The following DPY19L4 variants were observed in gnomAD, a reference collection of about 807,000 sequenced individuals.
The protein encoded by DPY19L4 is probable C-mannosyltransferase DPY19L4.
Under a neutral mutation model 102.8 loss-of-function variants are expected in DPY19L4, and 97 were observed. The ratio of observed to expected loss-of-function variants is 0.94; its 90% CI spans 0.80 to 1.12. The LOEUF is 1.12. DPY19L4 is among the 50% of genes most tolerant of loss of function. The pLI is 0.00. For synonymous variants in DPY19L4, 252 were observed against 283.1 expected, an observed-to-expected ratio of 0.89 and a Z score of 1.10; for missense variants, 815 against 850.4, an observed-to-expected ratio of 0.96 and a Z score of 0.52.
Position 94,790,090 on chromosome 8 carries a change from T to C in DPY19L4, c.*180T>C. 1 of 543,844 alleles carries C rather than the reference T, an allele frequency of 1.8e-6. No individual in the cohort carries two copies. The allele number at this position is 543,844 out of a possible 1,614,324, so 33.7% of individuals were successfully genotyped here. ...AATAGAAGATCAAGCATTACTGTCC[T>C]TTGATTAAATGTGATATCTACCACT... is the stretch of plus-strand genomic sequence containing the variant. On this transcript the variant is annotated 3_prime_UTR_variant, in exon 19 of 19. Coordinates refer to ENST00000414645, the MANE Select transcript of DPY19L4 (RefSeq NM_181787.3).
chr8:94,750,375 G>A (rs571830341), intron 6 of DPY19L4, among the ~76,000 whole-genome samples: 9 of 152,314 alleles, frequency 5.9e-5, no homozygotes, highest in African/African-American at 1.2e-4. Flanking sequence ...GTTTATTGAC[G>A]TGTATCTTGG....
chr8:94,788,639 GCA>G (rs151308550), intron 18 of DPY19L4, among the ~76,000 whole-genome samples: 5,698 of 85,488 alleles, frequency 0.067, 188 homozygotes, highest in African/African-American at 0.13. Flanking sequence ...TAAGACTGAC[GCA>G]CGCGCGCGCG....
At position 94,770,481 on chromosome 8, in the gene DPY19L4, T is replaced by G. The variant is rs1181213716; in HGVS notation, c.1364T>G (p.Leu455Arg). The stretch of plus-strand genomic sequence containing the variant: ...AAGTCCCTGAAGGAAACTGTTACTC[T>G]TGAAGATGGACGAATTGGAGAAAGA... Reference protein sequence around the residue: ...NGKSLKETVTLEDGRIGERPE... With the variant: ...NGKSLKETVTREDGRIGERPE... The change falls in exon 13 of 19, where the codon CTT becomes CGT. Residue 455 changes from leucine to arginine, a missense_variant. Physicochemically the swap from Leu to Arg is moderately radical, Grantham distance 102. Coordinates refer to ENST00000414645, the MANE Select transcript of DPY19L4 (RefSeq NM_181787.3). 6.2e-7 allele frequency: 1 copy of G among 1,613,762 alleles called. No individual in the cohort carries two copies.
At chr8:94,758,113 A>G (rs1284085734) in intron 7 of DPY19L4, among the ~76,000 whole-genome samples, 2 of 151,736 alleles carry the variant, frequency 1.3e-5, no homozygotes, top group African/African-American at 4.8e-5. Context: ...TCCATCTCCA[A>G]AAAAAAATAG....
chr8:94,736,793 GCATA>G (rs1245429122), intron 3 of DPY19L4, among the ~76,000 whole-genome samples: 1 of 152,158 alleles, frequency 6.6e-6, no homozygotes, highest in Non-Finnish European at 1.5e-5. Context: ...TTGCTGTTCT[GCATA>G]CATAGAGATG....
At chr8:94,788,637 ACGCACGCG>A (rs1245464578) in intron 18 of DPY19L4, among the ~76,000 whole-genome samples, 3 of 84,854 alleles carry the variant, frequency 3.5e-5, no homozygotes, top group Admixed American at 1.3e-4. Flanking sequence ...CCTAAGACTG[ACGCACGCG>A]CGCGCGCATG....
At chr8:94,721,828 G>A (rs1249968124) in intron 1 of DPY19L4, among the ~76,000 whole-genome samples, 7 of 152,218 alleles carry the variant, frequency 4.6e-5, no homozygotes, top group African/African-American at 1.7e-4. Context: ...TGATAAATGG[G>A]CGGGGCATGA....
intron 7 of DPY19L4, 149 bp from the exon 8 acceptor site, chr8:94,761,551 A>G (rs1812393452): frequency 7.2e-6 from 5 of 696,936 alleles, no homozygotes; most frequent in Non-Finnish European, 1.0e-5. Context: ...GGATTTAATA[A>G]TAATTATGTG....
chr8:94,768,693 T>C (rs548323909), intron 12 of DPY19L4, 140 bp downstream of exon 12: 1 of 640,252 alleles, frequency 1.6e-6, no homozygotes, highest in South Asian at 2.9e-5. Context: ...ACATGGAAAA[T>C]ATCATTATAA....
At chr8:94,745,992 G>C (rs1280537820) in intron 6 of DPY19L4, among the ~76,000 whole-genome samples, 1 of 150,520 alleles carries the variant, frequency 6.6e-6, no homozygotes, top group African/African-American at 2.4e-5. Flanking sequence ...GACCTCAGGT[G>C]ATCTGCCCAC....
At position 94,789,847 on chromosome 8, in the gene DPY19L4, A is replaced by G. The variant is rs1352031701; in HGVS notation, c.2109A>G (p.Arg703=). The change falls in exon 19 of 19, where the codon AGA becomes AGG. Residue 703 remains arginine, a synonymous_variant. Transcript: ENST00000414645. ...CTCCATATGTGAATTATTTCACTAG[A>G]GTATACTGGAACAGATCCTACTTTG... The part of the protein sequence containing the change: ...NYSPYVNYFT[R]VYWNRSYFVY... 6.2e-7 allele frequency: 1 copy of G among 1,610,850 alleles called. No homozygotes were observed. Among genetic ancestry groups the G allele is most frequent in the African/African-American group, 1.3e-5 (1 of 74,750 alleles).
intron 1 of DPY19L4, among the ~76,000 whole-genome samples, chr8:94,721,722 A>T (rs1419364479): frequency 6.6e-6 from 1 of 152,242 alleles, no homozygotes; most frequent in African/African-American, 2.4e-5. Context: ...TGCAAAATGA[A>T]AAATTATTTT....
chr8:94,783,799 A>T lies in DPY19L4; in HGVS notation c.1845A>T (p.Glu615Asp). ...ATGATGATCTTCTCAAGAGAAATGA[A>T]AATGTAAGACATTTTAAATTCTACA... Reference protein sequence around the residue: ...YNDDDLLKRNENIYQIYSKRS... With the variant: ...YNDDDLLKRNDNIYQIYSKRS... Residue 615 changes from glutamate to aspartate, a missense_variant, in exon 17 of 19, where the codon GAA becomes GAT. Glu to Asp is a conservative substitution (Grantham distance 45). Coordinates refer to ENST00000414645, the MANE Select transcript of DPY19L4 (RefSeq NM_181787.3). 1 of 1,613,940 alleles carries T rather than the reference A, an allele frequency of 6.2e-7. No homozygotes were observed.
At chr8:94,759,990 A>G (rs1159474299) in intron 7 of DPY19L4, among the ~76,000 whole-genome samples, 1 of 152,194 alleles carries the variant, frequency 6.6e-6, no homozygotes, top group Non-Finnish European at 1.5e-5. Context: ...TCCTATGTGT[A>G]AAAAGTTCAC....
chr8:94,739,238 A>G (rs2130817971), intron 4 of DPY19L4, among the ~76,000 whole-genome samples, 175 bp from the exon 5 acceptor site: 1 of 152,224 alleles, frequency 6.6e-6, no homozygotes, highest in Non-Finnish European at 1.5e-5. Flanking sequence ...GATTTGTCTC[A>G]GGATATAGAT....
chr8:94,761,199 A>G (rs1034562323), intron 7 of DPY19L4, among the ~76,000 whole-genome samples: 14 of 152,216 alleles, frequency 9.2e-5, no homozygotes, highest in African/African-American at 3.4e-4. Flanking sequence ...TGAAAGTTTC[A>G]TAGAGATCGC....
At chr8:94,787,186 T>G (rs1340468756) in intron 17 of DPY19L4, among the ~76,000 whole-genome samples, 9 of 150,724 alleles carry the variant, frequency 6.0e-5, no homozygotes, top group Non-Finnish European at 1.0e-4. Flanking sequence ...ATAGAAGTGG[T>G]TTTTTTTTAA....
At chr8:94,778,789 A>T (rs1166383818) in intron 14 of DPY19L4, among the ~76,000 whole-genome samples, 1 of 152,194 alleles carries the variant, frequency 6.6e-6, no homozygotes, top group Non-Finnish European at 1.5e-5. Flanking sequence ...GAATAGACAC[A>T]GAAGTAGGCA....
At chr8:94,784,230 G>A (rs1016821431) in intron 17 of DPY19L4, among the ~76,000 whole-genome samples, 7 of 150,008 alleles carry the variant, frequency 4.7e-5, no homozygotes, top group South Asian at 2.1e-4. Context: ...CACCACAGCC[G>A]GCTAACATTT....
Sources: allele counts gnomAD v4.1 joint callset (sites outside exome capture counted in the v4.1 genomes callset), GRCh38; gene constraint gnomAD v4.1.1; transcripts MANE v1.5; gene names NCBI Gene and HGNC (gene_info 2026-07-23, HGNC 2026-07-21).